The following LRFN2 variants were observed in gnomAD, a reference collection of about 807,000 sequenced individuals.
The protein encoded by LRFN2 is leucine rich repeat and fibronectin type III domain containing 2.
Under a neutral mutation model 37.3 loss-of-function variants are expected in LRFN2, and 18 were observed. That is an observed-to-expected ratio of 0.48 (90% CI 0.33 to 0.72). The LOEUF (loss-of-function observed/expected upper bound fraction) is 0.72, where lower values mean the gene tolerates loss of function less well. Among genes scored for constraint, LRFN2 ranks in the 30% least tolerant of loss-of-function variants. The pLI, the probability that LRFN2 is intolerant of heterozygous loss-of-function variation, is 0.02. For synonymous variants in LRFN2, 556 were observed against 466.6 expected, an observed-to-expected ratio of 1.19 and a Z score of -2.47; for missense variants, 1,006 against 1,060.7, an observed-to-expected ratio of 0.95 and a Z score of 0.72.
chr6:40,399,649 G>A (rs1230508793), intron 2 of LRFN2, among the ~76,000 whole-genome samples: 6 of 151,210 alleles, frequency 4.0e-5, no homozygotes, highest in South Asian at 2.1e-4. Flanking sequence ...TGTTGCCCAC[G>A]GTGGTCTTGA....
intron 1 of LRFN2, among the ~76,000 whole-genome samples, chr6:40,571,614 T>C (rs1295948775): frequency 1.3e-5 from 2 of 152,160 alleles, no homozygotes; most frequent in Admixed American, 1.3e-4. Flanking sequence ...GCCCAGGTTT[T>C]AGCAGGCAAT....
At chr6:40,394,402 A>G (rs1352090450) in intron 2 of LRFN2, among the ~76,000 whole-genome samples, 1 of 152,142 alleles carries the variant, frequency 6.6e-6, no homozygotes, top group Non-Finnish European at 1.5e-5. Flanking sequence ...TGAGAATGAA[A>G]GGGCTCTATC....
chr6:40,581,941 C>T (rs1485612024), intron 1 of LRFN2, among the ~76,000 whole-genome samples: 2 of 152,196 alleles, frequency 1.3e-5, no homozygotes, highest in African/African-American at 4.8e-5. Flanking sequence ...TGGGGGACCC[C>T]CTGGCTTCTT....
intron 1 of LRFN2, among the ~76,000 whole-genome samples, chr6:40,559,996 C>T (rs987823860): frequency 1.5e-4 from 23 of 152,224 alleles, no homozygotes; most frequent in Non-Finnish European, 3.1e-4. Context: ...ACCTGCCTCA[C>T]CCCCAGGCCT....
At chr6:40,564,375 T>C (rs1193121919) in intron 1 of LRFN2, among the ~76,000 whole-genome samples, 1 of 152,176 alleles carries the variant, frequency 6.6e-6, no homozygotes, top group Non-Finnish European at 1.5e-5. Context: ...GCGATACATA[T>C]AGACAAAATT....
At chr6:40,410,090 A>G (rs1399614714) in intron 2 of LRFN2, among the ~76,000 whole-genome samples, 1 of 152,124 alleles carries the variant, frequency 6.6e-6, no homozygotes, top group Non-Finnish European at 1.5e-5. Context: ...GCAGCTGGGA[A>G]GCCCCACTCT....
chr6:40,560,363 A>T (rs1294328051), intron 1 of LRFN2, among the ~76,000 whole-genome samples: 1 of 152,056 alleles, frequency 6.6e-6, no homozygotes, highest in Non-Finnish European at 1.5e-5. Flanking sequence ...CATGTGTGAG[A>T]CACCATGCCT....
At chr6:40,574,448 C>T (rs1771309) in intron 1 of LRFN2, among the ~76,000 whole-genome samples, 99,210 of 151,984 alleles carry the variant, frequency 0.65, 33,365 homozygotes, top group African/African-American at 0.79. Flanking sequence ...CATCAAGTAG[C>T]AGCTGTTAAT....
In LRFN2 at chr6:40,432,454, G is replaced by T. The variant is rs1374473307; in HGVS notation, c.660C>A (p.Arg220=). Residue 220 remains arginine, a synonymous_variant, in exon 2 of 3, where the codon CGC becomes CGA. Coordinates refer to ENST00000338305, the MANE Select transcript of LRFN2 (RefSeq NM_020737.3). ...TGGCTGTCAAAGCCGAAGCCTGGGA[G>T]CGGGCAAAGATGGGATCAGGGGGCA... ...QKLPPDPIFA[R]SQASALTATP... is the part of the protein sequence containing the mutation. The T allele has an allele frequency of 6.2e-7, 1 of 1,614,098 alleles. No individual in the cohort carries two copies. Among genetic ancestry groups the T allele is most frequent in the African/African-American group, 1.3e-5 (1 of 74,948 alleles).
chr6:40,510,028 C>T (rs1254377606), intron 1 of LRFN2, among the ~76,000 whole-genome samples: 1 of 136,470 alleles, frequency 7.3e-6, no homozygotes. Flanking sequence ...TGCGGGTATG[C>T]CAGGGAACAC....
At chr6:40,533,008 G>C (rs1484509079) in intron 1 of LRFN2, among the ~76,000 whole-genome samples, 1 of 152,210 alleles carries the variant, frequency 6.6e-6, no homozygotes, top group Non-Finnish European at 1.5e-5. Flanking sequence ...CCAACTGTAA[G>C]GTGTTAAGTG....
intron 2 of LRFN2, among the ~76,000 whole-genome samples, chr6:40,419,855 A>C (rs1763180243): frequency 6.6e-6 from 1 of 152,202 alleles, no homozygotes; most frequent in Admixed American, 6.5e-5. Context: ...TAGCTCATGG[A>C]AAAGCCCAAG....
At chr6:40,543,366 G>A (rs1312683336) in intron 1 of LRFN2, among the ~76,000 whole-genome samples, 1 of 152,202 alleles carries the variant, frequency 6.6e-6, no homozygotes, top group East Asian at 1.9e-4. Flanking sequence ...ATTGCCAGCA[G>A]AGACATTAGC....
At chr6:40,505,092 C>G (rs1010242042) in intron 1 of LRFN2, among the ~76,000 whole-genome samples, 8 of 152,190 alleles carry the variant, frequency 5.3e-5, no homozygotes, top group South Asian at 2.1e-4. Flanking sequence ...GGCAAAGCAG[C>G]CAGTGGGCTC....
chr6:40,439,393 G>A (rs1865255), intron 1 of LRFN2, among the ~76,000 whole-genome samples: 25,305 of 152,092 alleles, frequency 0.17, 2,600 homozygotes, highest in East Asian at 0.29. Flanking sequence ...CCCTCCCAGA[G>A]CCCCACTGCT....
chr6:40,564,601 T>C (rs746396217), intron 1 of LRFN2, among the ~76,000 whole-genome samples: 8 of 152,162 alleles, frequency 5.3e-5, no homozygotes, highest in Non-Finnish European at 1.0e-4. Context: ...TAAATTACCA[T>C]GATCTCTCTC....
intron 2 of LRFN2, among the ~76,000 whole-genome samples, chr6:40,412,703 C>A (rs996895755): frequency 2.6e-5 from 4 of 152,208 alleles, no homozygotes; most frequent in Non-Finnish European, 4.4e-5. Flanking sequence ...ATGTGACAGG[C>A]ACTGCTCTAG....
At chr6:40,535,604 G>T (rs1766433929) in intron 1 of LRFN2, among the ~76,000 whole-genome samples, 1 of 152,132 alleles carries the variant, frequency 6.6e-6, no homozygotes, top group Non-Finnish European at 1.5e-5. Flanking sequence ...CCTTGGCCGG[G>T]GGTGGGACTA....
At chr6:40,499,121 G>C (rs534095705) in intron 1 of LRFN2, among the ~76,000 whole-genome samples, 1 of 152,312 alleles carries the variant, frequency 6.6e-6, no homozygotes, top group Admixed American at 6.5e-5. Flanking sequence ...TTCAAAGTCA[G>C]AGCTGTACAT....
Sources: gnomAD v4.1 joint callset for allele counts (sites outside exome capture counted in the v4.1 genomes callset) on GRCh38, gnomAD v4.1.1 for gene constraint, MANE v1.5 for transcripts, NCBI Gene and HGNC (gene_info 2026-07-23, HGNC 2026-07-21) for gene names.